RORA: variants seen among roughly 807,000 people sequenced by gnomAD.
RORA encodes RAR related orphan receptor A, also known as nuclear receptor ROR-alpha.
In RORA, 7 loss-of-function variants were observed where a neutral mutation model predicts 69.5. That is an observed-to-expected ratio of 0.10 (90% CI 0.06 to 0.19). The LOEUF (loss-of-function observed/expected upper bound fraction) is 0.19. Ranked by LOEUF, RORA falls within the 10% of genes least tolerant of loss-of-function variation. RORA has a pLI of 1.00. For missense variants in RORA, 457 were observed against 663.0 expected, an observed-to-expected ratio of 0.69 and a Z score of 3.41; for synonymous variants, 261 against 240.8, an observed-to-expected ratio of 1.08 and a Z score of -0.78.
chr15:60,603,022 G>T (rs896407621), intron 2 of RORA, among the ~76,000 whole-genome samples: 1 of 152,162 alleles, frequency 6.6e-6, no homozygotes, highest in African/African-American at 2.4e-5. Flanking sequence ...CAGTGGAATA[G>T]TATATTATGC....
intron 1 of RORA, among the ~76,000 whole-genome samples, chr15:60,771,563 T>A (rs1233646460): frequency 6.6e-6 from 1 of 152,222 alleles, no homozygotes; most frequent in Non-Finnish European, 1.5e-5. Context: ...CACTATTGAT[T>A]GTCACCGAGC....
intron 1 of RORA, among the ~76,000 whole-genome samples, chr15:60,756,784 G>C (rs1488326871): frequency 6.6e-6 from 1 of 152,140 alleles, no homozygotes; most frequent in African/African-American, 2.4e-5. Context: ...ATGAGACACA[G>C]TTAAATTTCA....
At chr15:60,975,951 TC>T (rs1283577820) in intron 1 of RORA, among the ~76,000 whole-genome samples, 1 of 152,198 alleles carries the variant, frequency 6.6e-6, no homozygotes, top group Non-Finnish European at 1.5e-5. Context: ...AGGGGACCTT[TC>T]CAGAGAGCCA....
intron 3 of RORA, among the ~76,000 whole-genome samples, chr15:60,525,388 G>C (rs995588555): frequency 2.0e-5 from 3 of 152,214 alleles, no homozygotes; most frequent in Non-Finnish European, 4.4e-5. Flanking sequence ...CTCCTTCTCA[G>C]TGAAACAGAG....
intron 2 of RORA, among the ~76,000 whole-genome samples, chr15:60,641,489 A>C (rs1246274347): frequency 6.6e-6 from 1 of 151,980 alleles, no homozygotes; most frequent in East Asian, 1.9e-4. Context: ...AGCTCCCTGC[A>C]ACCTCCGCGT....
chr15:61,085,916 A>C (rs1346869045), intron 1 of RORA, among the ~76,000 whole-genome samples: 2 of 152,240 alleles, frequency 1.3e-5, no homozygotes, highest in Middle Eastern at 3.2e-3. Flanking sequence ...AACAAGTTGA[A>C]ATAGCAAAAT....
At chr15:61,138,922 G>A (rs1375123424) in intron 1 of RORA, among the ~76,000 whole-genome samples, 2 of 152,140 alleles carry the variant, frequency 1.3e-5, no homozygotes, top group African/African-American at 4.8e-5. Context: ...GAGGCGGGTG[G>A]ACCACGAGGT....
At chr15:61,072,658 T>C (rs970070007) in intron 1 of RORA, among the ~76,000 whole-genome samples, 1 of 152,264 alleles carries the variant, frequency 6.6e-6, no homozygotes, top group African/African-American at 2.4e-5. Flanking sequence ...TGCTGTGAGC[T>C]ACACTGTTTT....
At chr15:60,997,820 G>A (rs1894607512) in intron 1 of RORA, among the ~76,000 whole-genome samples, 1 of 152,118 alleles carries the variant, frequency 6.6e-6, no homozygotes, top group South Asian at 2.1e-4. Context: ...TTTAGTGATT[G>A]GGCAAGTCAT....
intron 1 of RORA, among the ~76,000 whole-genome samples, chr15:60,839,610 G>C (rs1595757661): frequency 1.3e-5 from 2 of 152,182 alleles, no homozygotes; most frequent in East Asian, 3.9e-4. Context: ...CATCTGTACA[G>C]TGCACGTGGC....
chr15:61,201,378 A>G (rs2079894002), intron 1 of RORA, among the ~76,000 whole-genome samples: 1 of 152,248 alleles, frequency 6.6e-6, no homozygotes, highest in Admixed American at 6.5e-5. Flanking sequence ...ACAAACCACT[A>G]AGACATAAAC....
At chr15:61,024,419 G>A (rs1385142362) in intron 1 of RORA, among the ~76,000 whole-genome samples, 1 of 150,394 alleles carries the variant, frequency 6.6e-6, no homozygotes, top group Admixed American at 6.7e-5. Flanking sequence ...AAGTAGCTGG[G>A]ACTGCAGGTG....
chr15:60,843,096 C>T (rs1008616870), intron 1 of RORA, among the ~76,000 whole-genome samples: 3 of 152,176 alleles, frequency 2.0e-5, no homozygotes, highest in Admixed American at 6.5e-5. Context: ...AGCCAAGAAG[C>T]TGGGTTCTGC....
intron 2 of RORA, among the ~76,000 whole-genome samples, chr15:60,638,849 A>G (rs1357019344): frequency 6.6e-6 from 1 of 152,150 alleles, no homozygotes; most frequent in Non-Finnish European, 1.5e-5. Flanking sequence ...TTTGTGATAC[A>G]GTTGGCACTA....
chr15:61,186,640 CAAAAAAAAAAAAA>C (rs58380679), intron 1 of RORA, among the ~76,000 whole-genome samples: 48 of 67,618 alleles, frequency 7.1e-4, no homozygotes, highest in African/African-American at 1.1e-3. Flanking sequence ...GACCCTGACT[CAAAAAAAAAAAAA>C]AAAAAAAAAA....
At chr15:61,152,637 A>G (rs1021219329) in intron 1 of RORA, among the ~76,000 whole-genome samples, 14 of 152,130 alleles carry the variant, frequency 9.2e-5, no homozygotes, top group South Asian at 2.1e-4. Flanking sequence ...GCATTTAGTG[A>G]ACAAGAGATC....
intron 1 of RORA, among the ~76,000 whole-genome samples, chr15:60,854,717 T>A (rs192565241): frequency 6.6e-6 from 1 of 152,220 alleles, no homozygotes; most frequent in Non-Finnish European, 1.5e-5. Flanking sequence ...AATATTAGCA[T>A]GTGATATTGG....
intron 1 of RORA, among the ~76,000 whole-genome samples, chr15:61,089,876 T>C (rs932748448): frequency 1.1e-4 from 17 of 152,050 alleles, no homozygotes; most frequent in African/African-American, 3.9e-4. Flanking sequence ...TTTCCAAAGA[T>C]GGAGGGTAGA....
At chr15:61,027,911 T>A (rs886566763) in intron 1 of RORA, among the ~76,000 whole-genome samples, 1 of 152,170 alleles carries the variant, frequency 6.6e-6, no homozygotes, top group Non-Finnish European at 1.5e-5. Flanking sequence ...CTAAAGCCCA[T>A]AGCACTGTGA....
Sources: allele counts gnomAD v4.1 joint callset (sites outside exome capture counted in the v4.1 genomes callset), GRCh38; gene constraint gnomAD v4.1.1; transcripts MANE v1.5; gene names NCBI Gene and HGNC (gene_info 2026-07-23, HGNC 2026-07-21).